The following PCDHGB6 variants were observed in gnomAD, a reference collection of about 807,000 sequenced individuals.
PCDHGB6 encodes the protein protocadherin gamma-B6.
PCDHGB6 carries 51 observed loss-of-function variants against 59.1 expected under a neutral mutation model. The ratio of observed to expected loss-of-function variants is 0.86; its 90% CI spans 0.69 to 1.09. The LOEUF is 1.09. Ranked by LOEUF, PCDHGB6 falls within the 50% of genes least tolerant of loss-of-function variation. PCDHGB6 has a pLI of 0.00. For missense variants in PCDHGB6, 1,148 were observed against 1,205.1 expected (o/e 0.95, Z 0.70); for synonymous variants, 466 against 495.1 (o/e 0.94, Z 0.78).
rs1049654933 is a variant in PCDHGB6 at position 141,497,808 on chromosome 5, A to G, written c.2477+2943A>G. 2.6e-5 allele frequency among the ~76,000 whole-genome samples: 4 copies of G among 152,282 alleles called. No homozygotes were observed. The East Asian group carries it at 7.7e-4, about 29-fold the overall frequency. Reference sequence around the variant, plus strand: ...ACCTGCTTCAGCTTCCCAAAGTGCTAGAATTACAGGTGTGATCGCCCCCGG... The same window carrying G: ...ACCTGCTTCAGCTTCCCAAAGTGCTGGAATTACAGGTGTGATCGCCCCCGG... On this transcript the variant is annotated intron_variant, in intron 2 of 3. Coordinates refer to ENST00000520790, the MANE Select transcript of PCDHGB6 (RefSeq NM_018926.3).
Position 141,476,340 on chromosome 5 carries a change from G to A in PCDHGB6, c.2419-18467G>A, listed in dbSNP as rs760616287. The A allele has an allele frequency of 2.2e-5, 36 of 1,614,068 alleles. No homozygotes were observed. In the Admixed American group the frequency reaches 2.5e-4, roughly 11 times the overall value. On this transcript the variant is annotated intron_variant, in intron 1 of 3. Transcript: ENST00000520790. The surrounding 1 kb of genome is among the most constrained non-coding windows in gnomAD (Gnocchi z 7.6). The stretch of plus-strand genomic sequence containing the variant: ...CGGGTGGTGTCTGGAGCTAGCCGAA[G>A]ATTCTTTGAGGTGAACCGGGAGACC...
At chr5:141,428,136 G>A in intron 1 of PCDHGB6, 2 of 1,600,778 alleles carry the variant, frequency 1.2e-6, no homozygotes, top group South Asian at 1.1e-5. Flanking sequence ...TTTCAGCCTG[G>A]GGCTGCACAC....
At chr5:141,492,026 G>T in intron 1 of PCDHGB6, 1 of 567,198 alleles carries the variant, frequency 1.8e-6, no homozygotes, top group Non-Finnish European at 3.0e-6. Flanking sequence ...GGGGTCCCGG[G>T]AGGAGGCAGT....
chr5:141,439,410 A>T (rs2098110832), intron 1 of PCDHGB6, among the ~76,000 whole-genome samples: 1 of 152,220 alleles, frequency 6.6e-6, no homozygotes, highest in African/African-American at 2.4e-5. Context: ...TGCTAACATC[A>T]CTGAGGTTAT....
chr5:141,439,709 A>G (rs2098127560), intron 1 of PCDHGB6: 1 of 152,540 alleles, frequency 6.6e-6, no homozygotes, highest in African/African-American at 2.4e-5. Context: ...TATGGCTCCT[A>G]GTTCTACAAA....
In PCDHGB6 at chr5:141,414,189, G is replaced by C. The variant is rs1674006167; in HGVS notation, c.2418+3569G>C. ...CATATCTTGCAACTGCAAAAGTGTT[G>C]ATTACAGTAGAAGATGTAAATGACA... On this transcript the variant is annotated intron_variant, in intron 1 of 3. Transcript: ENST00000520790. 3.1e-6 allele frequency: 5 copies of C among 1,609,966 alleles called. No homozygotes were observed. The highest frequency in any genetic ancestry group is 3.4e-6 in the Non-Finnish European group (4 of 1,177,924).
chr5:141,430,763 A>C, intron 1 of PCDHGB6: 1 of 1,506,248 alleles, frequency 6.6e-7, no homozygotes, highest in Non-Finnish European at 8.9e-7. Flanking sequence ...GATAAGAATG[A>C]TTCCTGCGCG....
intron 2 of PCDHGB6, among the ~76,000 whole-genome samples, chr5:141,495,471 G>A (rs2099761632): frequency 6.6e-6 from 1 of 152,190 alleles, no homozygotes; most frequent in Non-Finnish European, 1.5e-5. Context: ...TGGGGTCTCC[G>A]TGTCTCTGCC....
At chr5:141,475,829 G>A (rs1408248560) in intron 1 of PCDHGB6, 5 of 386,748 alleles carry the variant, frequency 1.3e-5, no homozygotes, top group Non-Finnish European at 2.3e-5. Flanking sequence ...GCGCTAGCGC[G>A]TGTCCTGCTC....
intron 1 of PCDHGB6, chr5:141,415,782 T>C: frequency 7.4e-7 from 1 of 1,356,228 alleles, no homozygotes. Context: ...TACTTTCTGG[T>C]AAAATTCACC....
chr5:141,439,458 C>T (rs2098114160), intron 1 of PCDHGB6, among the ~76,000 whole-genome samples: 1 of 152,214 alleles, frequency 6.6e-6, no homozygotes, highest in East Asian at 1.9e-4. Flanking sequence ...AGCAAGACTG[C>T]ACTGCTGCCT....
rs1554116873 is a variant in PCDHGB6 at position 141,423,758 on chromosome 5, G to GT, written c.2418+13138_2418+13139insT. On this transcript the variant is annotated intron_variant, in intron 1 of 3. Coordinates refer to ENST00000520790, the MANE Select transcript of PCDHGB6 (RefSeq NM_018926.3). Reference sequence around the variant, plus strand: ...CTGTTATGAAAACTGTTTGGGGGGGGGGTGGGGCGGCATATATTTAGTTCA... The same window carrying GT: ...CTGTTATGAAAACTGTTTGGGGGGGGTGGTGGGGCGGCATATATTTAGTTCA... 14 of 366,842 alleles carry GT rather than the reference G, an allele frequency of 3.8e-5. 1 individual carries two copies. The highest frequency in any genetic ancestry group is 5.4e-5 in the Non-Finnish European group (14 of 259,742). The allele number at this position is 366,842 out of a possible 1,614,324, so 22.7% of individuals were successfully genotyped here. A position where few individuals can be genotyped will look rare whatever the true frequency, so the allele number is the denominator to read the frequency against.
At chr5:141,415,284 G>A (rs186109113) in intron 1 of PCDHGB6, 27 of 1,614,198 alleles carry the variant, frequency 1.7e-5, no homozygotes, top group Non-Finnish European at 2.3e-5. Context: ...CGGTGGCCGC[G>A]GTCTCCTGCG....
Position 141,408,888 on chromosome 5 carries a change from A to G in PCDHGB6, c.686A>G (p.Glu229Gly). 2 of 1,613,352 alleles carry G rather than the reference A, an allele frequency of 1.2e-6. No individual in the cohort carries two copies. The highest frequency in any genetic ancestry group is 1.7e-6 in the Non-Finnish European group (2 of 1,179,664). ...CCAAGAAGTGCCACCGCTCACATAG[A>G]AATTTCTGTCAAGGATACCAATGAT... ...DPPRSATAHI[E>G]ISVKDTNDNP... The change falls in exon 1 of 4, where the codon GAA (glutamate) becomes GGA (glycine). Residue 229 changes from glutamate to glycine, a missense_variant. By Grantham distance (98) the Glu-to-Gly change is moderately conservative. Coordinates refer to ENST00000520790, the MANE Select transcript of PCDHGB6 (RefSeq NM_018926.3).
intron 1 of PCDHGB6, chr5:141,421,852 C>T: frequency 6.2e-7 from 1 of 1,613,770 alleles, no homozygotes; most frequent in South Asian, 1.1e-5. Context: ...AGAGGCTGCT[C>T]ACCTGCTCCT....
At position 141,432,185 on chromosome 5, in the gene PCDHGB6, G is replaced by A. The variant is rs376661062; in HGVS notation, c.2418+21565G>A. 8.1e-6 allele frequency: 13 copies of A among 1,613,956 alleles called. No individual in the cohort carries two copies. The African/African-American group carries it at 1.3e-4, about 17-fold the overall frequency. On this transcript the variant is annotated intron_variant, in intron 1 of 3. Transcript: ENST00000520790. This position sits in a 1 kb window ranked among gnomAD's most constrained non-coding sequence, Gnocchi z 6.0. ...AGGAGTTTCCCTCGTCTCTGTGACC[G>A]CCCACGACCCCGACTGTGAAGAGAA...
Position 141,408,303 on chromosome 5 carries a change from G to T in PCDHGB6, c.101G>T (p.Arg34Leu). ...LFYPTLSEPI[R>L]YSIPEELAKG... is the part of the protein sequence containing the mutation. ...TACCCCACCCTGAGTGAGCCGATCCGCTACTCGATTCCGGAGGAGCTGGCC... is the reference window on the plus strand; with the variant it reads ...TACCCCACCCTGAGTGAGCCGATCCTCTACTCGATTCCGGAGGAGCTGGCC... Residue 34 changes from arginine (R) to leucine (L), a missense_variant, in exon 1 of 4, where the codon CGC (arginine) becomes CTC (leucine). Physicochemically the swap from Arg to Leu is moderately radical, Grantham distance 102. Coordinates refer to ENST00000520790, the MANE Select transcript of PCDHGB6 (RefSeq NM_018926.3). 2 of 1,613,794 alleles carry T rather than the reference G, an allele frequency of 1.2e-6. No individual in the cohort carries two copies. Among genetic ancestry groups the T allele is most frequent in the South Asian group, 1.1e-5 (1 of 91,068 alleles).
chr5:141,436,207 A>T (rs544201723), intron 1 of PCDHGB6, among the ~76,000 whole-genome samples: 1 of 152,142 alleles, frequency 6.6e-6, no homozygotes, highest in Admixed American at 6.5e-5. Context: ...ACATAATAGG[A>T]AAACAAATGA....
chr5:141,418,699 C>A, intron 1 of PCDHGB6: 1 of 1,614,014 alleles, frequency 6.2e-7, no homozygotes, highest in Non-Finnish European at 8.5e-7. Context: ...TCACTTATTC[C>A]TTCTTTGGTG....
Sources: allele counts gnomAD v4.1 joint callset (sites outside exome capture counted in the v4.1 genomes callset), GRCh38; gene constraint gnomAD v4.1.1; non-coding constraint Gnocchi (gnomAD v3.1); transcripts MANE v1.5; gene names NCBI Gene and HGNC (gene_info 2026-07-23, HGNC 2026-07-21).